Variants in KCNIP4 observed in about 807,000 individuals in gnomAD.
The protein encoded by KCNIP4 is Kv channel-interacting protein 4.
KCNIP4 carries 12 observed loss-of-function variants against 34.0 expected under a neutral mutation model. The observed-to-expected ratio is 0.35, with a 90% CI of 0.23 to 0.57. KCNIP4 has a LOEUF of 0.57. KCNIP4 is among the 20% of genes least tolerant of loss of function. The probability of loss-of-function intolerance (pLI) is 0.83; values close to 1 mark genes in which losing one functional copy is unlikely to be tolerated. For missense variants in KCNIP4, 238 were observed against 311.7 expected (o/e 0.76, Z 1.78); for synonymous variants, 124 against 102.2 (o/e 1.21, Z -1.29).
rs1723416254 is a variant in KCNIP4, at chr4:21,400,512, C to CTCTTCTCTT, written c.62-517804_62-517803insAAGAGAAGA. ...CCTCTCCCCTCCCTTCCCCTCCCTT[C>CTCTTCTCTT]CTCTTCTCTTCTCTTCTCTTCTCTT... On this transcript the variant is annotated intron_variant, in intron 1 of 8. Transcript: ENST00000382152. Among the ~76,000 whole-genome samples the CTCTTCTCTT allele has an allele frequency of 1.2e-4, 13 of 105,214 alleles. 1 individual carries two copies. The highest frequency in any genetic ancestry group is 5.1e-4 in the African/African-American group (13 of 25,276). The allele number at this position is 105,214 out of a possible 152,430, so 69.0% of individuals were successfully genotyped here.
At chr4:21,081,048 T>C (rs1442014185) in intron 1 of KCNIP4, among the ~76,000 whole-genome samples, 1 of 151,870 alleles carries the variant, frequency 6.6e-6, no homozygotes, top group Admixed American at 6.6e-5. Context: ...TGTGCTTTTA[T>C]AAATTAGTTA....
chr4:21,857,214 C>A (rs1165166820), intron 1 of KCNIP4, among the ~76,000 whole-genome samples: 1 of 152,222 alleles, frequency 6.6e-6, no homozygotes, highest in Non-Finnish European at 1.5e-5. Flanking sequence ...GAAGTCCATA[C>A]AAACCCCAGA....
At chr4:20,950,161 T>A (rs1732632663) in intron 1 of KCNIP4, among the ~76,000 whole-genome samples, 1 of 151,576 alleles carries the variant, frequency 6.6e-6, no homozygotes. Context: ...TACTGGTTCT[T>A]CCTGTGCAGA....
At chr4:21,328,345 G>A (rs1484867955) in intron 1 of KCNIP4, among the ~76,000 whole-genome samples, 1 of 152,184 alleles carries the variant, frequency 6.6e-6, no homozygotes, top group African/African-American at 2.4e-5. Context: ...GGTGGTCTCA[G>A]ATAATTTCTG....
intron 1 of KCNIP4, among the ~76,000 whole-genome samples, chr4:20,992,363 G>A (rs534634022): frequency 3.3e-5 from 5 of 152,260 alleles, no homozygotes; most frequent in African/African-American, 1.2e-4. Context: ...CATGAGAACA[G>A]CATGGGGGAA....
rs191629406 is a variant in KCNIP4 at position 21,870,709 on chromosome 4, G to A, written c.61+77862C>T. On this transcript the variant is annotated intron_variant, in intron 1 of 8. Transcript: ENST00000382152. ...CTTTGTTTACTCTGACTTTGGACTCGCTCTCAAATTCTTTTGTGTGGCAAA... is the reference window on the plus strand; with the variant it reads ...CTTTGTTTACTCTGACTTTGGACTCACTCTCAAATTCTTTTGTGTGGCAAA... Among the ~76,000 whole-genome samples, 14 of 152,158 alleles carry A rather than the reference G, an allele frequency of 9.2e-5. No homozygotes were observed. The East Asian group carries it at 2.1e-3, about 23-fold the overall frequency.
intron 3 of KCNIP4, among the ~76,000 whole-genome samples, chr4:20,846,103 G>C (rs4697191): frequency 0.026 from 3,919 of 152,240 alleles, 168 homozygotes; most frequent in East Asian, 0.2. Context: ...AACATTTAAT[G>C]TCAAAAGGAC....
chr4:21,253,116 T>C (rs1760833904), intron 1 of KCNIP4, among the ~76,000 whole-genome samples: 1 of 152,184 alleles, frequency 6.6e-6, no homozygotes, highest in Admixed American at 6.5e-5. Context: ...TAGATAGGAT[T>C]ATGCATAGGT....
intron 1 of KCNIP4, among the ~76,000 whole-genome samples, chr4:21,806,621 A>ATTT (rs1721314210): frequency 6.6e-6 from 1 of 152,264 alleles, no homozygotes; most frequent in Admixed American, 6.5e-5. Context: ...ACAACTGTGC[A>ATTT]TAAATGCACA....
At chr4:20,916,403 G>C in intron 1 of KCNIP4, 1 of 912,242 alleles carries the variant, frequency 1.1e-6, no homozygotes, top group Non-Finnish European at 1.3e-6. Context: ...GAGATTTTCA[G>C]TAGCTTTATG....
intron 1 of KCNIP4, among the ~76,000 whole-genome samples, chr4:21,589,968 G>A (rs1742062689): frequency 6.6e-6 from 1 of 152,036 alleles, no homozygotes; most frequent in Admixed American, 6.6e-5. Context: ...ATGATGCCAT[G>A]TAAATTAAAA....
chr4:21,631,315 T>C (rs560333010), intron 1 of KCNIP4, among the ~76,000 whole-genome samples: 1 of 152,322 alleles, frequency 6.6e-6, no homozygotes, highest in South Asian at 2.1e-4. Context: ...GCTTTTATTT[T>C]AATTAATGAC....
chr4:21,798,391 ACAC>A (rs1313867454), intron 1 of KCNIP4, among the ~76,000 whole-genome samples: 3 of 96,466 alleles, frequency 3.1e-5, no homozygotes, highest in African/African-American at 1.2e-4. Context: ...GTTTCCACAC[ACAC>A]AAAAAAATAC....
At position 21,455,808 on chromosome 4, in the gene KCNIP4, CATATATATATATATATATATATATATAT is replaced by C. The variant is rs1171436191; in HGVS notation, c.61+492735_61+492762del. ...TTAATGTGATAGTCTTACAGATATT[CATATATATATATATATATATATATATAT>C]ATATATATATATATATATATGGACT... On this transcript the variant is annotated intron_variant, in intron 1 of 8. Coordinates refer to ENST00000382152, the MANE Select transcript of KCNIP4 (RefSeq NM_025221.6). Among the ~76,000 whole-genome samples the C allele has an allele frequency of 3.8e-4, 27 of 71,908 alleles. 1 individual carries two copies. In the South Asian group the frequency reaches 7.2e-3, roughly 19 times the overall value. The allele number at this position is 71,908 out of a possible 152,430, so 47.2% of individuals were successfully genotyped here. A position where few individuals can be genotyped will look rare whatever the true frequency, so the allele number is the denominator to read the frequency against.
chr4:21,863,737 C>T (rs1214808527), intron 1 of KCNIP4, among the ~76,000 whole-genome samples: 1 of 152,166 alleles, frequency 6.6e-6, no homozygotes, highest in Admixed American at 6.5e-5. Context: ...CTTGCTTGAG[C>T]TCCTAGATCC....
intron 1 of KCNIP4, among the ~76,000 whole-genome samples, chr4:21,402,454 A>C (rs1723631590): frequency 1.3e-5 from 2 of 152,204 alleles, no homozygotes; most frequent in African/African-American, 4.8e-5. Context: ...TCATAGAGAA[A>C]GACAAAGCAT....
At chr4:21,913,212 A>G (rs909620135) in intron 1 of KCNIP4, among the ~76,000 whole-genome samples, 3 of 152,046 alleles carry the variant, frequency 2.0e-5, no homozygotes, top group Non-Finnish European at 4.4e-5. Flanking sequence ...ATGGTGGTAC[A>G]TGCCTGCAGA....
intron 1 of KCNIP4, among the ~76,000 whole-genome samples, chr4:21,318,085 G>T (rs1713975155): frequency 1.3e-5 from 2 of 152,222 alleles, no homozygotes; most frequent in South Asian, 4.2e-4. Flanking sequence ...ACACCTGGCT[G>T]CCCTCAGACT....
chr4:20,836,077 T>C (rs575974984), intron 3 of KCNIP4, among the ~76,000 whole-genome samples: 1 of 152,368 alleles, frequency 6.6e-6, no homozygotes, highest in South Asian at 2.1e-4. Flanking sequence ...AAATAGAGTT[T>C]TGTTTTACAA....
Sources: gnomAD v4.1 joint callset for allele counts (sites outside exome capture counted in the v4.1 genomes callset) on GRCh38, gnomAD v4.1.1 for gene constraint, MANE v1.5 for transcripts, NCBI Gene and HGNC (gene_info 2026-07-23, HGNC 2026-07-21) for gene names.